TCTN2: variants seen among roughly 807,000 people sequenced by gnomAD.
TCTN2 encodes tectonic-2.
In TCTN2, 66 loss-of-function variants were observed where a neutral mutation model predicts 83.4. The observed-to-expected ratio is 0.79, with a 90% CI of 0.65 to 0.97. TCTN2 has a LOEUF of 0.97. TCTN2 is among the 50% of genes least tolerant of loss of function. The pLI is 0.00. For missense variants in TCTN2, 794 were observed against 858.1 expected (o/e 0.93, Z 0.93); for synonymous variants, 301 against 326.7 (o/e 0.92, Z 0.85).
Position 123,687,108 on chromosome 12 carries a change from C to T in TCTN2, c.764+73C>T, listed in dbSNP as rs1955981180. ...TGGTGGGGCCATACTCTAGTAGGCC[C>T]TGCAACGCGGTCACGTTTTTCCCAA... On this transcript the variant is annotated intron_variant, in intron 6 of 17. Coordinates refer to ENST00000303372, the MANE Select transcript of TCTN2 (RefSeq NM_024809.5). The T allele has an allele frequency of 5.6e-5, 88 of 1,576,104 alleles. 1 individual carries two copies. In the South Asian group the frequency reaches 9.6e-4, roughly 17 times the overall value.
intron 11 of TCTN2, chr12:123,695,548 A>T: frequency 2.9e-6 from 1 of 348,026 alleles, no homozygotes; most frequent in Non-Finnish European, 5.3e-6. Flanking sequence ...CAGCCTCCTG[A>T]GTAGCTGGGA....
In TCTN2 at chr12:123,699,578, T is replaced by C. The variant is rs530139513; in HGVS notation, c.1506-126T>C. ...TCCATGGGTGACACCCAGCCAGTTT[T>C]TAATGCCAGTTCCTCTGGCAGTTTT... is the stretch of plus-strand genomic sequence containing the variant. On this transcript the variant is annotated intron_variant, in intron 13 of 17. Coordinates refer to ENST00000303372, the MANE Select transcript of TCTN2 (RefSeq NM_024809.5). The C allele has an allele frequency of 1.3e-4, 105 of 807,000 alleles. 1 individual carries two copies. The African/African-American group carries it at 1.5e-3, about 12-fold the overall frequency. 50.0% of individuals were successfully genotyped at this position (807,000 alleles called of 1,614,324 possible).
intron 9 of TCTN2, 74 bp from the exon 10 acceptor site, chr12:123,694,768 A>T (rs1956086815): frequency 6.4e-7 from 1 of 1,555,272 alleles, no homozygotes; most frequent in African/African-American, 1.4e-5. Flanking sequence ...CCACGCAAGC[A>T]GAGAGAACCT....
chr12:123,701,791 G>A (rs1400167241), intron 14 of TCTN2, among the ~76,000 whole-genome samples: 1 of 152,018 alleles, frequency 6.6e-6, no homozygotes, highest in East Asian at 1.9e-4. Flanking sequence ...CAGGGATCAT[G>A]GGGGCCAGAT....
At position 123,707,609 on chromosome 12, in the gene TCTN2, C is replaced by G. The variant is rs554299771; in HGVS notation, c.1990C>G (p.Leu664Val). 4.3e-5 allele frequency: 69 copies of G among 1,614,044 alleles called. No individual in the cohort carries two copies. In the Middle Eastern group the frequency reaches 9.9e-4, roughly 23 times the overall value. The change falls in exon 18 of 18, where the codon CTG becomes GTG. Residue 664 changes from leucine (L) to valine (V), a missense_variant. Coordinates refer to ENST00000303372, the MANE Select transcript of TCTN2 (RefSeq NM_024809.5). ...YPWTQYYQGELHSQCVAKGLL... is the reference protein window; with the variant it reads ...YPWTQYYQGEVHSQCVAKGLL... ...TTTTGTCCATTGTTTTTCAGGGGAG[C>G]TGCATTCTCAGTGTGTTGCTAAGGG... is the stretch of plus-strand genomic sequence containing the variant.
intron 17 of TCTN2, 159 bp downstream of exon 17, chr12:123,707,232 GCTTAGTTTATTT>G: frequency 4.2e-6 from 3 of 708,798 alleles, no homozygotes; most frequent in Non-Finnish European, 7.1e-6. Context: ...TACTGTTTTG[GCTTAGTTTATTT>G]CTACCTACAC....
intron 6 of TCTN2, among the ~76,000 whole-genome samples, chr12:123,687,342 A>C (rs922556404): frequency 6.6e-6 from 1 of 152,174 alleles, no homozygotes; most frequent in African/African-American, 2.4e-5. Flanking sequence ...GATTGTTAAA[A>C]ATTTACATCT....
rs1956086282 is a variant in TCTN2 at position 123,694,695 on chromosome 12, A to C, written c.1100-147A>C. On this transcript the variant is annotated intron_variant, in intron 9 of 17. Coordinates refer to ENST00000303372, the MANE Select transcript of TCTN2 (RefSeq NM_024809.5). Reference sequence around the variant, plus strand: ...CCAGGGCAGGCTTCCTCAAGGAAGCAGTGACCGTGCCATGTTAGGGAGCTG... The same window carrying C: ...CCAGGGCAGGCTTCCTCAAGGAAGCCGTGACCGTGCCATGTTAGGGAGCTG... 4 of 770,874 alleles carry C rather than the reference A, an allele frequency of 5.2e-6. No homozygotes were observed. The African/African-American group carries it at 7.0e-5, about 13-fold the overall frequency. 47.8% of individuals were successfully genotyped at this position (770,874 alleles called of 1,614,324 possible).
Position 123,701,778 on chromosome 12 carries a change from T to C in TCTN2, c.1612+1968T>C, listed in dbSNP as rs184177550. On this transcript the variant is annotated intron_variant, in intron 14 of 17. Transcript: ENST00000303372. ...AAAAAGGGTGCAACAGATCTAATAA[T>C]AGCAGGGATCATGGGGGCCAGATAG... 3.6e-4 allele frequency among the ~76,000 whole-genome samples: 55 copies of C among 150,846 alleles called. 1 individual carries two copies. The East Asian group carries it at 9.7e-3, about 27-fold the overall frequency.
rs868322385 is a variant in TCTN2, at chr12:123,673,805, C to T, written c.458C>T (p.Ala153Val). 3 of 1,614,028 alleles carry T rather than the reference C, an allele frequency of 1.9e-6. No homozygotes were observed. Among genetic ancestry groups the T allele is most frequent in the Non-Finnish European group, 2.5e-6 (3 of 1,179,912 alleles). ...GCCAACTCTTCTCTGACCCATAATG[C>T]CTCAGGCAAGTGAAGTCTTTGACTG... ...IYANSSLTHN[A>V]SENVTVIPNQ... is the part of the protein sequence containing the mutation. The change falls in exon 4 of 18, where the codon GCC becomes GTC. Residue 153 changes from alanine to valine, a missense_variant. Transcript: ENST00000303372.
At chr12:123,685,703 G>T (rs1386110804) in intron 5 of TCTN2, among the ~76,000 whole-genome samples, 1 of 148,916 alleles carries the variant, frequency 6.7e-6, no homozygotes, top group East Asian at 2.0e-4. Flanking sequence ...ACAGGTGTGA[G>T]CCACTGCGCC....
rs933332647 is a variant in TCTN2, at chr12:123,694,799, C to G, written c.1100-43C>G. 8.1e-6 allele frequency: 13 copies of G among 1,599,820 alleles called. No individual in the cohort carries two copies. In the East Asian group the frequency reaches 2.9e-4, roughly 36 times the overall value. On this transcript the variant is annotated intron_variant, in intron 9 of 17. Coordinates refer to ENST00000303372, the MANE Select transcript of TCTN2 (RefSeq NM_024809.5). ...AACCTCCCAGTAACAGAGTCAGGCT[C>G]AAAGAGGGTCTTTAATTTATGAACA...
At chr12:123,695,839 T>C in intron 11 of TCTN2, 1 of 165,468 alleles carries the variant, frequency 6.0e-6, no homozygotes, top group Non-Finnish European at 1.3e-5. Context: ...GTTGTGGCAC[T>C]GTATTCATTT....
At position 123,671,218 on chromosome 12, in the gene TCTN2, G is replaced by T. The variant is rs767321199; in HGVS notation, c.-23G>T. The T allele has an allele frequency of 5.0e-6, 8 of 1,606,108 alleles. No homozygotes were observed. The highest frequency in any genetic ancestry group is 5.9e-6 in the Non-Finnish European group (7 of 1,176,794). On this transcript the variant is annotated 5_prime_UTR_variant, in exon 1 of 18. Transcript: ENST00000303372. ...TCTAATGAGGGCGCGGTTCTGCTGTGCCCGGCCCGCGAGGTCTAAGGCATG... is the reference window on the plus strand; with the variant it reads ...TCTAATGAGGGCGCGGTTCTGCTGTTCCCGGCCCGCGAGGTCTAAGGCATG...
rs543040828 is a variant in TCTN2 at position 123,678,580 on chromosome 12, G to A, written c.464-609G>A. Among the ~76,000 whole-genome samples, 44 of 152,108 alleles carry A rather than the reference G, an allele frequency of 2.9e-4. 1 individual carries two copies. The South Asian group carries it at 2.9e-3, about 10-fold the overall frequency. ...TGGGTTTACAGGTGTGAGCCACCCC[G>A]CCCAGCCTAAAATCAGTACATTATG... On this transcript the variant is annotated intron_variant, in intron 4 of 17. Transcript: ENST00000303372.
At position 123,695,236 on chromosome 12, in the gene TCTN2, AT is replaced by A. The variant is rs1566257543; in HGVS notation, c.1254del (p.Phe418LeufsTer2). On this transcript the variant is annotated frameshift_variant, in exon 11 of 18. Coordinates refer to ENST00000303372, the MANE Select transcript of TCTN2 (RefSeq NM_024809.5). LOFTEE classifies it high-confidence loss of function. ...TATTTCTAGGGATAATGACACAGAG[AT>A]TTGTAGTAAAATTTTTAAGCTATAA... ...AHQKGIMTQR[F>X]VVKFLSYNSG... 6.3e-7 allele frequency: 1 copy of A among 1,577,258 alleles called. No homozygotes were observed. The highest frequency in any genetic ancestry group is 2.2e-5 in the East Asian group (1 of 44,636).
chr12:123,693,334 G>T (rs1185330360), intron 9 of TCTN2, among the ~76,000 whole-genome samples: 4 of 140,374 alleles, frequency 2.8e-5, no homozygotes, highest in East Asian at 4.5e-4. Flanking sequence ...CCAGTTAAAA[G>T]AACTTTTTAG....
At chr12:123,706,053 G>A (rs892295903) in intron 15 of TCTN2, among the ~76,000 whole-genome samples, 1 of 152,126 alleles carries the variant, frequency 6.6e-6, no homozygotes, top group African/African-American at 2.4e-5. Flanking sequence ...ACCGTGCCCG[G>A]CCCCTCCTCT....
chr12:123,703,946 G>T (rs1956200222), intron 14 of TCTN2, among the ~76,000 whole-genome samples: 2 of 151,880 alleles, frequency 1.3e-5, no homozygotes, highest in Non-Finnish European at 2.9e-5. Flanking sequence ...ATGATTTATG[G>T]CTTTAATATG....
Sources: allele counts gnomAD v4.1 joint callset (sites outside exome capture counted in the v4.1 genomes callset), GRCh38; gene constraint gnomAD v4.1.1; transcripts MANE v1.5; gene names NCBI Gene and HGNC (gene_info 2026-07-23, HGNC 2026-07-21).